The following PDE9A variants were observed in gnomAD, a reference collection of about 807,000 sequenced individuals.
The protein encoded by PDE9A is phosphodiesterase 9A.
In PDE9A, 60 loss-of-function variants were observed where a neutral mutation model predicts 87.4. The ratio of observed to expected loss-of-function variants is 0.69; its 90% CI spans 0.56 to 0.85. The LOEUF (loss-of-function observed/expected upper bound fraction) is 0.85. Ranked by LOEUF, PDE9A falls within the 40% of genes least tolerant of loss-of-function variation. PDE9A has a pLI of 0.00. For missense variants in PDE9A, 665 were observed against 779.0 expected (o/e 0.85, Z 1.74); for synonymous variants, 272 against 279.4 (o/e 0.97, Z 0.27).
At chr21:42,662,525 C>A (rs371086319) in intron 1 of PDE9A, among the ~76,000 whole-genome samples, 2 of 149,816 alleles carry the variant, frequency 1.3e-5, no homozygotes, top group Non-Finnish European at 3.0e-5. Flanking sequence ...ACACCATGCA[C>A]ACACACCACA....
Position 42,770,897 on chromosome 21 carries a change from C to T in PDE9A, c.1686+99C>T, listed in dbSNP as rs541675644. 1.6e-5 allele frequency: 13 copies of T among 826,306 alleles called. No individual in the cohort carries two copies. The East Asian group carries it at 2.1e-4, about 13-fold the overall frequency. 51.2% of individuals were successfully genotyped at this position (826,306 alleles called of 1,614,324 possible). ...AAGCTTGGACGTGCCAAGCAGGGCA[C>T]CACTGAAGGCCCCGTGGACAGGCAC... On this transcript the variant is annotated intron_variant, in intron 18 of 19. Transcript: ENST00000291539.
At position 42,722,272 on chromosome 21, in the gene PDE9A, G is replaced by A. The variant is rs766130405; in HGVS notation, c.263-9498G>A. ...ATTACAGGCGTGAGCCACCATGCCC[G>A]TCCAGCAGAGGTATTTTTTCTAATA... On this transcript the variant is annotated intron_variant, in intron 4 of 19. Transcript: ENST00000291539. The surrounding 1 kb of genome is among the most constrained non-coding windows in gnomAD (Gnocchi z 4.1). 6.6e-6 allele frequency among the ~76,000 whole-genome samples: 1 copy of A among 152,182 alleles called. No individual in the cohort carries two copies. The highest frequency in any genetic ancestry group is 2.4e-5 in the African/African-American group (1 of 41,432).
chr21:42,706,602 C>G (rs111908414), intron 4 of PDE9A, among the ~76,000 whole-genome samples: 7 of 152,046 alleles, frequency 4.6e-5, no homozygotes, highest in Non-Finnish European at 1.0e-4. Flanking sequence ...CGAGATCACA[C>G]CACTGCACTC....
At chr21:42,751,473 A>G (rs1014304669) in intron 9 of PDE9A, among the ~76,000 whole-genome samples, 4 of 147,498 alleles carry the variant, frequency 2.7e-5, no homozygotes, top group African/African-American at 8.1e-5. Context: ...CTGGGTAGAC[A>G]GTTTTTACAC....
At chr21:42,658,959 G>T (rs1353944129) in intron 1 of PDE9A, among the ~76,000 whole-genome samples, 1 of 152,116 alleles carries the variant, frequency 6.6e-6, no homozygotes, top group South Asian at 2.1e-4. Flanking sequence ...CTGACCCCTG[G>T]CTGGGGACGA....
intron 7 of PDE9A, among the ~76,000 whole-genome samples, chr21:42,735,084 C>T (rs531339302): frequency 1.9e-4 from 29 of 152,322 alleles, no homozygotes; most frequent in South Asian, 1.2e-3. Context: ...GAAGCTTCCC[C>T]AGATCCCCAG....
chr21:42,716,068 G>A lies in PDE9A; in HGVS notation c.263-15702G>A, dbSNP rs145117060. Among the ~76,000 whole-genome samples, 4 of 151,658 alleles carry A rather than the reference G, an allele frequency of 2.6e-5. 1 individual carries two copies. The highest frequency in any genetic ancestry group is 3.9e-4 in the East Asian group (2 of 5,180). Reference sequence around the variant, plus strand: ...TTAAGATTCTTTTATGCCTTTTCCCGGCATCTTAGCATTGAAGCATATTCC... The same window carrying A: ...TTAAGATTCTTTTATGCCTTTTCCCAGCATCTTAGCATTGAAGCATATTCC... On this transcript the variant is annotated intron_variant, in intron 4 of 19. Coordinates refer to ENST00000291539, the MANE Select transcript of PDE9A (RefSeq NM_002606.3).
chr21:42,685,837 A>G (rs1308143576), intron 1 of PDE9A, among the ~76,000 whole-genome samples: 6 of 152,036 alleles, frequency 3.9e-5, no homozygotes, highest in African/African-American at 1.4e-4. Context: ...CCCCCATGAG[A>G]TACTTGAAGA....
chr21:42,657,183 G>C (rs1432808494), intron 1 of PDE9A, among the ~76,000 whole-genome samples: 2 of 152,226 alleles, frequency 1.3e-5, no homozygotes, highest in African/African-American at 2.4e-5. Flanking sequence ...GGATGGCCTG[G>C]TGAGAAGCTG....
At chr21:42,680,823 C>T (rs2059129191) in intron 1 of PDE9A, among the ~76,000 whole-genome samples, 1 of 152,210 alleles carries the variant, frequency 6.6e-6, no homozygotes, top group Non-Finnish European at 1.5e-5. Flanking sequence ...CCCCAAGAAA[C>T]GGTGGGAACA....
Position 42,759,528 on chromosome 21 carries a change from G to C in PDE9A, c.897+443G>C, listed in dbSNP as rs2147085669. 6.6e-6 allele frequency among the ~76,000 whole-genome samples: 1 copy of C among 150,466 alleles called. No individual in the cohort carries two copies. ...GGTGTGTGGATGTAAATGTGTGGGA[G>C]CGTGTGTGTGTGTGAGTGTGGGGTG... On this transcript the variant is annotated intron_variant, in intron 11 of 19. Coordinates refer to ENST00000291539, the MANE Select transcript of PDE9A (RefSeq NM_002606.3). This position sits in a 1 kb window ranked among gnomAD's most constrained non-coding sequence, Gnocchi z 7.2.
chr21:42,699,151 T>A, intron 4 of PDE9A, 140 bp downstream of exon 4: 1 of 614,938 alleles, frequency 1.6e-6, no homozygotes, highest in Non-Finnish European at 2.9e-6. Flanking sequence ...AGCATTTAAC[T>A]ATATGTTAGT....
intron 17 of PDE9A, among the ~76,000 whole-genome samples, chr21:42,769,371 GCACACAGGTA>G: frequency 7.4e-6 from 1 of 134,650 alleles, no homozygotes. Flanking sequence ...ACACACTTGT[GCACACAGGTA>G]CACAGGCACA....
At chr21:42,683,001 T>C (rs1024288771) in intron 1 of PDE9A, among the ~76,000 whole-genome samples, 5 of 152,220 alleles carry the variant, frequency 3.3e-5, no homozygotes, top group Non-Finnish European at 5.9e-5. Flanking sequence ...TAAGAATTAC[T>C]CATTTCAGTT....
chr21:42,670,748 TACACTC>T (rs1324161942), intron 1 of PDE9A, among the ~76,000 whole-genome samples: 4 of 143,654 alleles, frequency 2.8e-5, no homozygotes, highest in African/African-American at 1.0e-4. Context: ...TTCACACACA[TACACTC>T]ACATTCACAC....
chr21:42,702,709 C>T lies in PDE9A; in HGVS notation c.262+3698C>T, dbSNP rs1439499791. On this transcript the variant is annotated intron_variant, in intron 4 of 19. Coordinates refer to ENST00000291539, the MANE Select transcript of PDE9A (RefSeq NM_002606.3). The surrounding 1 kb of genome is among the most constrained non-coding windows in gnomAD (Gnocchi z 4.9). ...TAGAGGGCCCTTACCCCAGGGATAG[C>T]TCAGTCCTACTAAGACTTGATCCCT... Among the ~76,000 whole-genome samples, 1 of 152,240 alleles carries T rather than the reference C, an allele frequency of 6.6e-6. No individual in the cohort carries two copies. The highest frequency in any genetic ancestry group is 1.9e-4 in the East Asian group (1 of 5,202).
At chr21:42,727,177 C>T (rs1230089386) in intron 4 of PDE9A, among the ~76,000 whole-genome samples, 1 of 150,828 alleles carries the variant, frequency 6.6e-6, no homozygotes, top group African/African-American at 2.4e-5. Context: ...TTGAGTCTTC[C>T]AACCCATTAA....
At position 42,759,490 on chromosome 21, in the gene PDE9A, G is replaced by A. The variant is rs2055444905; in HGVS notation, c.897+405G>A. Among the ~76,000 whole-genome samples, 2 of 148,818 alleles carry A rather than the reference G, an allele frequency of 1.3e-5. No individual in the cohort carries two copies. Among genetic ancestry groups the A allele is most frequent in the Non-Finnish European group, 3.0e-5 (2 of 67,028 alleles). On this transcript the variant is annotated intron_variant, in intron 11 of 19. Coordinates refer to ENST00000291539, the MANE Select transcript of PDE9A (RefSeq NM_002606.3). The surrounding 1 kb of genome is among the most constrained non-coding windows in gnomAD (Gnocchi z 7.2). Reference sequence around the variant, plus strand: ...GATGTGAGCATGGGGGTGTCTGCATGTGTTTGTGAGTGGGTGTGTGGATGT... The same window carrying A: ...GATGTGAGCATGGGGGTGTCTGCATATGTTTGTGAGTGGGTGTGTGGATGT...
intron 9 of PDE9A, among the ~76,000 whole-genome samples, chr21:42,752,376 A>G (rs2146998637): frequency 6.6e-6 from 1 of 151,754 alleles, no homozygotes; most frequent in Middle Eastern, 3.4e-3. Flanking sequence ...GGTTCAAGTG[A>G]TTCTCCTGCC....
Sources: gnomAD v4.1 joint callset for allele counts (sites outside exome capture counted in the v4.1 genomes callset) on GRCh38, gnomAD v4.1.1 for gene constraint, Gnocchi (gnomAD v3.1) non-coding constraint, MANE v1.5 for transcripts, NCBI Gene and HGNC (gene_info 2026-07-23, HGNC 2026-07-21) for gene names.